The following PLCB1 variants were observed in gnomAD, a reference collection of about 807,000 sequenced individuals.
The protein encoded by PLCB1 is phospholipase C beta 1.
A neutral mutation model predicts 161.8 loss-of-function variants in PLCB1; 46 were observed. The observed-to-expected ratio is 0.28, with a 90% CI of 0.22 to 0.36. PLCB1 has a LOEUF of 0.36. PLCB1 is among the 10% of genes least tolerant of loss of function. The probability of loss-of-function intolerance (pLI) is 1.00; values close to 1 mark genes in which losing one functional copy is unlikely to be tolerated. For synonymous variants in PLCB1, 517 were observed against 503.7 expected (o/e 1.03, Z -0.35); for missense variants, 1,016 against 1,472.5 (o/e 0.69, Z 5.07).
At chr20:8,266,841 C>T (rs6055704) in intron 2 of PLCB1, among the ~76,000 whole-genome samples, 3,669 of 152,126 alleles carry the variant, frequency 0.024, 134 homozygotes, top group African/African-American at 0.084. Flanking sequence ...GAGTTCGAGT[C>T]CAGCCTGGCC....
chr20:8,488,304 A>C (rs565063372), intron 3 of PLCB1, among the ~76,000 whole-genome samples: 2 of 152,060 alleles, frequency 1.3e-5, no homozygotes, highest in South Asian at 2.1e-4. Flanking sequence ...CTACCTTACC[A>C]CAGGGCTCAA....
Position 8,718,231 on chromosome 20 carries a change from A to T in PLCB1, c.1513+383A>T, listed in dbSNP as rs1042829678. 4.6e-5 allele frequency among the ~76,000 whole-genome samples: 7 copies of T among 151,452 alleles called. No individual in the cohort carries two copies. The South Asian group carries it at 1.5e-3, about 32-fold the overall frequency. ...GAGACTCCGTCTCAAAAAAAAAAGA[A>T]TTTGCTGCTCTGAAATTAGCTTAGA... On this transcript the variant is annotated intron_variant, in intron 14 of 31. Coordinates refer to ENST00000338037, the MANE Select transcript of PLCB1 (RefSeq NM_015192.4).
chr20:8,603,138 A>T (rs984230182), intron 3 of PLCB1, among the ~76,000 whole-genome samples: 1 of 152,224 alleles, frequency 6.6e-6, no homozygotes, highest in African/African-American at 2.4e-5. Context: ...AATAAATTCT[A>T]CTTTCTCTCA....
chr20:8,743,583 C>T (rs1980995431), intron 23 of PLCB1, among the ~76,000 whole-genome samples: 1 of 152,010 alleles, frequency 6.6e-6, no homozygotes, highest in Non-Finnish European at 1.5e-5. Flanking sequence ...GCAGTTTTTT[C>T]CTGAGACCAT....
Position 8,144,970 on chromosome 20 carries a change from G to A in PLCB1, c.100-5324G>A, listed in dbSNP as rs1044356292. Among the ~76,000 whole-genome samples, 6 of 152,226 alleles carry A rather than the reference G, an allele frequency of 3.9e-5. No homozygotes were observed. In the South Asian group the frequency reaches 8.3e-4, roughly 21 times the overall value. The stretch of plus-strand genomic sequence containing the variant: ...ACCTTGGCCAGGAGACTTTCTGACA[G>A]TGGTGCTGAGGAATGTGCCATGGGT... On this transcript the variant is annotated intron_variant, in intron 1 of 31. Transcript: ENST00000338037.
intron 3 of PLCB1, among the ~76,000 whole-genome samples, chr20:8,549,718 G>A (rs1328680870): frequency 6.6e-6 from 1 of 152,056 alleles, no homozygotes; most frequent in Non-Finnish European, 1.5e-5. Context: ...CTACAGGTGT[G>A]AATCACCAAT....
intron 11 of PLCB1, among the ~76,000 whole-genome samples, chr20:8,701,124 C>T (rs1027390425): frequency 6.6e-6 from 1 of 152,206 alleles, no homozygotes; most frequent in African/African-American, 2.4e-5. Context: ...ACACTGCTTG[C>T]ATGATTATCA....
chr20:8,831,910 TTC>T (rs879387004), intron 31 of PLCB1, among the ~76,000 whole-genome samples: 3,529 of 71,428 alleles, frequency 0.049, 382 homozygotes, highest in East Asian at 0.17. Context: ...CTCTCTTTCT[TTC>T]TCTTTCTTTC....
intron 3 of PLCB1, among the ~76,000 whole-genome samples, chr20:8,547,134 C>T (rs1329372443): frequency 6.6e-6 from 1 of 152,140 alleles, no homozygotes; most frequent in Non-Finnish European, 1.5e-5. Flanking sequence ...AAAACTTTCT[C>T]ATTTCCCCAA....
chr20:8,665,444 G>T (rs1259629709), intron 9 of PLCB1, among the ~76,000 whole-genome samples: 1 of 152,096 alleles, frequency 6.6e-6, no homozygotes, highest in Non-Finnish European at 1.5e-5. Flanking sequence ...TTGGGCTGAG[G>T]CATTCCTGAA....
Position 8,628,368 on chromosome 20 carries a change from T to TCACA in PLCB1, c.321_322insCACA (p.Gly108HisfsTer4). 6.2e-7 allele frequency: 1 copy of TCACA among 1,614,148 alleles called. No homozygotes were observed. Among genetic ancestry groups the TCACA allele is most frequent in the South Asian group, 1.1e-5 (1 of 91,080 alleles). ...AGCAGCGCATGATCACAGTGGTGTATGGGCCTGACCTCGTGAACATCTCCC... is the reference window on the plus strand; with the variant it reads ...AGCAGCGCATGATCACAGTGGTGTATCACAGGGCCTGACCTCGTGAACATCTCCC... On this transcript the variant is annotated frameshift_variant, in exon 4 of 32. Coordinates refer to ENST00000338037, the MANE Select transcript of PLCB1 (RefSeq NM_015192.4). LOFTEE classifies it high-confidence loss of function.
At chr20:8,524,922 T>C (rs1169840074) in intron 3 of PLCB1, among the ~76,000 whole-genome samples, 1 of 152,170 alleles carries the variant, frequency 6.6e-6, no homozygotes, top group African/African-American at 2.4e-5. Context: ...GCTGGGAACA[T>C]TACTGCACCT....
In PLCB1 at chr20:8,132,780, G is replaced by T; in HGVS notation, c.99+30G>T. 2 of 1,504,562 alleles carry T rather than the reference G, an allele frequency of 1.3e-6. No individual in the cohort carries two copies. The highest frequency in any genetic ancestry group is 1.8e-6 in the Non-Finnish European group (2 of 1,084,374). The allele number at this position is 1,504,562 out of a possible 1,614,324, so 93.2% of individuals were successfully genotyped here. ...GTATTGGGGCGGCCCGAGTCGGGGC[G>T]CTGGCTCGGGCACCGGGCAGGGCGG... On this transcript the variant is annotated intron_variant, in intron 1 of 31. Coordinates refer to ENST00000338037, the MANE Select transcript of PLCB1 (RefSeq NM_015192.4). This position sits in a 1 kb window ranked among gnomAD's most constrained non-coding sequence, Gnocchi z 5.2.
chr20:8,728,115 C>T (rs563976279), intron 17 of PLCB1, among the ~76,000 whole-genome samples: 53 of 152,198 alleles, frequency 3.5e-4, no homozygotes, highest in African/African-American at 7.2e-4. Context: ...AAATTATCAT[C>T]GTTAGTATTC....
chr20:8,803,333 T>C (rs190869277), intron 31 of PLCB1, among the ~76,000 whole-genome samples: 191 of 152,216 alleles, frequency 1.3e-3, no homozygotes, highest in African/African-American at 4.3e-3. Flanking sequence ...AGTACATTCC[T>C]ACCTCCAGGC....
chr20:8,210,388 C>G (rs1373754994), intron 2 of PLCB1, among the ~76,000 whole-genome samples: 1 of 152,038 alleles, frequency 6.6e-6, no homozygotes, highest in Non-Finnish European at 1.5e-5. Context: ...TGCTTTGTCA[C>G]CAAAAGCCAT....
intron 31 of PLCB1, among the ~76,000 whole-genome samples, chr20:8,880,438 G>A (rs1568635094): frequency 6.6e-6 from 1 of 152,064 alleles, no homozygotes. Context: ...ATTCTCCAGG[G>A]CATAAAATAG....
intron 31 of PLCB1, among the ~76,000 whole-genome samples, chr20:8,834,411 A>G (rs1394859816): frequency 1.3e-5 from 2 of 152,006 alleles, no homozygotes; most frequent in Admixed American, 1.3e-4. Context: ...TCACCCTTAC[A>G]TATGTATGTG....
chr20:8,538,757 CT>C (rs1362574800), intron 3 of PLCB1, among the ~76,000 whole-genome samples: 4 of 151,416 alleles, frequency 2.6e-5, no homozygotes, highest in African/African-American at 9.7e-5. Flanking sequence ...TAAAAACTAT[CT>C]TAAACTTTCT....
Sources: gnomAD v4.1 joint callset for allele counts (sites outside exome capture counted in the v4.1 genomes callset) on GRCh38, gnomAD v4.1.1 for gene constraint, Gnocchi (gnomAD v3.1) non-coding constraint, MANE v1.5 for transcripts, NCBI Gene and HGNC (gene_info 2026-07-23, HGNC 2026-07-21) for gene names.